The following TRAM2 variants were observed in gnomAD, a reference collection of about 807,000 sequenced individuals.
The protein encoded by TRAM2 is translocating chain-associated membrane protein 2.
TRAM2 carries 12 observed loss-of-function variants against 51.0 expected under a neutral mutation model. That is an observed-to-expected ratio of 0.24 (90% confidence interval 0.15 to 0.38). The LOEUF (loss-of-function observed/expected upper bound fraction) is 0.38, where lower values mean the gene tolerates loss of function less well. Ranked by LOEUF, TRAM2 falls within the 10% of genes least tolerant of loss-of-function variation. The pLI is 1.00. For synonymous variants in TRAM2, 175 were observed against 179.4 expected (o/e 0.98, Z 0.20); for missense variants, 361 against 462.0 (o/e 0.78, Z 2.00).
intron 2 of TRAM2, chr6:52,523,091 G>A (rs113455955): frequency 4.9e-4 from 257 of 523,948 alleles, no homozygotes; most frequent in Non-Finnish European, 9.0e-5. Context: ...TGTTTAAAGA[G>A]CATCACTGTA....
intron 6 of TRAM2, 24 bp downstream of exon 6, chr6:52,508,210 G>T (rs960927745): frequency 6.2e-6 from 10 of 1,611,050 alleles, no homozygotes; most frequent in Non-Finnish European, 6.8e-6. Flanking sequence ...TGGCCTCCAA[G>T]AAGGGAGAGA....
In TRAM2 at chr6:52,517,919, C is replaced by T. The variant is rs145086123; in HGVS notation, c.185-1182G>A. 9.6e-3 allele frequency among the ~76,000 whole-genome samples: 1,459 copies of T among 152,184 alleles called. 10 individuals are homozygous for T. The highest frequency in any genetic ancestry group is 0.015 in the Non-Finnish European group (1,046 of 67,976). On this transcript the variant is annotated intron_variant, in intron 2 of 10. Transcript: ENST00000182527. ...GTGGTGAGGGGGTGGGAGGAGGTGGCGAGGACAGAGAGAACATGATCTTGG... is the reference window on the plus strand; with the variant it reads ...GTGGTGAGGGGGTGGGAGGAGGTGGTGAGGACAGAGAGAACATGATCTTGG...
rs1766263713 is a variant in TRAM2 at position 52,502,969 on chromosome 6, G to C, written c.*228C>G. 1 of 591,606 alleles carries C rather than the reference G, an allele frequency of 1.7e-6. No homozygotes were observed. The highest frequency in any genetic ancestry group is 3.0e-5 in the Admixed American group (1 of 33,632). The allele number at this position is 591,606 out of a possible 1,614,324, so 36.6% of individuals were successfully genotyped here. A position where few individuals can be genotyped will look rare whatever the true frequency, so the allele number is the denominator to read the frequency against. ...GGAGTGAGGACAGGAGGTGGCCTGA[G>C]GGGGAGAAAGAGAAAGATTTTTGGC... On this transcript the variant is annotated 3_prime_UTR_variant, in exon 11 of 11. Coordinates refer to ENST00000182527, the MANE Select transcript of TRAM2 (RefSeq NM_012288.4).
intron 2 of TRAM2, 66 bp from the exon 3 acceptor site, chr6:52,516,803 G>T: frequency 7.9e-7 from 1 of 1,261,706 alleles, no homozygotes; most frequent in Non-Finnish European, 1.2e-6. Context: ...ACCCAAAACT[G>T]AAATGAGATG....
intron 2 of TRAM2, among the ~76,000 whole-genome samples, chr6:52,529,188 GCCACAAATGTGT>G (rs1309901023): frequency 3.3e-5 from 5 of 152,160 alleles, no homozygotes; most frequent in Non-Finnish European, 5.9e-5. Flanking sequence ...ACCGTGCCCA[GCCACAAATGTGT>G]ACATGACTTC....
At position 52,506,113 on chromosome 6, in the gene TRAM2, A is replaced by C; in HGVS notation, c.650T>G (p.Leu217Trp). The C allele has an allele frequency of 6.2e-7, 1 of 1,614,112 alleles. No individual in the cohort carries two copies. The highest frequency in any genetic ancestry group is 8.5e-7 in the Non-Finnish European group (1 of 1,180,048). ...CTCAGTTGAGTACTGCAGCAGCAGC[A>C]AGATCAGGCCCAGGCGGCTCAGGCT... ...LLNLSRLGLI[L>W]LLLQYSTEFL... is the part of the protein sequence containing the mutation. The change falls in exon 8 of 11, where the codon TTG becomes TGG. Residue 217 changes from leucine (L) to tryptophan (W), a missense_variant. Transcript: ENST00000182527.
intron 1 of TRAM2, among the ~76,000 whole-genome samples, chr6:52,549,153 T>G (rs76243687): frequency 0.056 from 8,505 of 152,222 alleles, 753 homozygotes; most frequent in African/African-American, 0.18. Flanking sequence ...AGATCTCAGC[T>G]GTGCCCATTT....
At chr6:52,520,615 CCTAA>C (rs748108927) in intron 2 of TRAM2, among the ~76,000 whole-genome samples, 5 of 152,176 alleles carry the variant, frequency 3.3e-5, no homozygotes, top group Non-Finnish European at 4.4e-5. Context: ...GTCTGATCAT[CCTAA>C]CTATCTCATG....
At chr6:52,565,959 C>T (rs778133277) in intron 1 of TRAM2, among the ~76,000 whole-genome samples, 12 of 152,196 alleles carry the variant, frequency 7.9e-5, no homozygotes, top group Admixed American at 6.5e-4. Flanking sequence ...TATTTGCATG[C>T]AAGCATCATT....
At chr6:52,569,364 T>C (rs924380535) in intron 1 of TRAM2, among the ~76,000 whole-genome samples, 1 of 143,198 alleles carries the variant, frequency 7.0e-6, no homozygotes, top group Non-Finnish European at 1.5e-5. Context: ...TACTCCAGCC[T>C]GGGCGACAAA....
At chr6:52,517,732 A>C (rs972188119) in intron 2 of TRAM2, among the ~76,000 whole-genome samples, 4 of 152,196 alleles carry the variant, frequency 2.6e-5, no homozygotes, top group African/African-American at 9.7e-5. Context: ...GCTCTGAGTC[A>C]CACACACATG....
intron 2 of TRAM2, among the ~76,000 whole-genome samples, chr6:52,518,775 C>T (rs1395719585): frequency 6.6e-6 from 1 of 152,206 alleles, no homozygotes; most frequent in African/African-American, 2.4e-5. Context: ...GCCAGGATTA[C>T]ATTTTCCTTG....
At chr6:52,533,056 A>G (rs1766919214) in intron 2 of TRAM2, among the ~76,000 whole-genome samples, 1 of 145,796 alleles carries the variant, frequency 6.9e-6, no homozygotes, top group Admixed American at 6.9e-5. Flanking sequence ...TCAAATTCAC[A>G]GAGACAGAAA....
intron 4 of TRAM2, among the ~76,000 whole-genome samples, chr6:52,513,814 A>G (rs1343547790): frequency 6.6e-6 from 1 of 152,224 alleles, no homozygotes; most frequent in Admixed American, 6.5e-5. Flanking sequence ...TTTCTGTTTT[A>G]AAAGATCCAT....
Position 52,506,121 on chromosome 6 carries a change from G to A in TRAM2, c.642C>T (p.Gly214=), listed in dbSNP as rs760313374. The A allele has an allele frequency of 6.2e-7, 1 of 1,613,970 alleles. No homozygotes were observed. The highest frequency in any genetic ancestry group is 1.1e-5 in the South Asian group (1 of 91,084). The change falls in exon 8 of 11, where the codon GGC becomes GGT. Residue 214 remains glycine, a synonymous_variant. Transcript: ENST00000182527. ...GAYLLNLSRL[G]LILLLLQYST... ...AGTACTGCAGCAGCAGCAAGATCAG[G>A]CCCAGGCGGCTCAGGCTGGGGGTGG...
chr6:52,531,894 T>G (rs372611496), intron 2 of TRAM2, among the ~76,000 whole-genome samples: 12 of 152,260 alleles, frequency 7.9e-5, no homozygotes, highest in African/African-American at 2.9e-4. Context: ...AGAGATCAGA[T>G]GGGTTCTGGA....
intron 4 of TRAM2, among the ~76,000 whole-genome samples, chr6:52,513,503 C>T (rs1053485612): frequency 6.6e-6 from 1 of 152,090 alleles, no homozygotes; most frequent in Admixed American, 6.5e-5. Flanking sequence ...AGAGAAGCAC[C>T]AGCAACAGGC....
At chr6:52,543,710 A>G (rs1249803953) in intron 1 of TRAM2, among the ~76,000 whole-genome samples, 5 of 152,210 alleles carry the variant, frequency 3.3e-5, no homozygotes, top group African/African-American at 1.2e-4. Flanking sequence ...TAAGACAGAA[A>G]GCAAAAAGAG....
At chr6:52,533,223 C>T (rs919736245) in intron 2 of TRAM2, among the ~76,000 whole-genome samples, 1 of 152,138 alleles carries the variant, frequency 6.6e-6, no homozygotes, top group African/African-American at 2.4e-5. Context: ...CTAAGTTACA[C>T]ACTTACAAAT....
Sources: gnomAD v4.1 joint callset for allele counts (sites outside exome capture counted in the v4.1 genomes callset) on GRCh38, gnomAD v4.1.1 for gene constraint, MANE v1.5 for transcripts, NCBI Gene and HGNC (gene_info 2026-07-23, HGNC 2026-07-21) for gene names.